PPT1: variants seen among roughly 807,000 people sequenced by gnomAD.
The protein encoded by PPT1 is ceroid-palmitoyl-palmitoyl-protein thioesterase 1.
A neutral mutation model predicts 44.0 loss-of-function variants in PPT1; 24 were observed. That is an observed-to-expected ratio of 0.54 (90% CI 0.39 to 0.77). The LOEUF (loss-of-function observed/expected upper bound fraction) is 0.77. PPT1 is among the 30% of genes least tolerant of loss of function. The pLI is 0.00. For missense variants in PPT1, 341 were observed against 378.8 expected (o/e 0.90, Z 0.83); for synonymous variants, 148 against 140.2 (o/e 1.06, Z -0.39).
At chr1:40,078,817 C>T (rs1445624978) in intron 6 of PPT1, 159 bp from the exon 7 acceptor site, 2 of 682,196 alleles carry the variant, frequency 2.9e-6, no homozygotes, top group Non-Finnish European at 5.4e-6. Flanking sequence ...TATACCTGTA[C>T]AGCTTTTTTT....
At chr1:40,092,298 G>A (rs1649609327) in intron 2 of PPT1, 100 bp downstream of exon 2, 7 of 1,526,572 alleles carry the variant, frequency 4.6e-6, no homozygotes, top group Non-Finnish European at 5.5e-6. Context: ...AAGTATCACT[G>A]TATGATCTGC....
chr1:40,084,919 T>C (rs571978296), intron 5 of PPT1, among the ~76,000 whole-genome samples: 3 of 152,308 alleles, frequency 2.0e-5, no homozygotes, highest in South Asian at 2.1e-4. Flanking sequence ...TCTGGGAAGA[T>C]GTCCGTTGCC....
intron 2 of PPT1, 87 bp downstream of exon 2, chr1:40,092,311 C>T: frequency 3.9e-6 from 6 of 1,528,220 alleles, no homozygotes; most frequent in Admixed American, 1.7e-5. Context: ...TGATCTGCTG[C>T]TGAAAACACA....
chr1:40,071,774 G>A, downstream of PPT1: 1 of 547,762 alleles, frequency 1.8e-6, no homozygotes, highest in African/African-American at 1.9e-5. Flanking sequence ...CACGCCGCCA[G>A]TCCATTCTTA....
chr1:40,078,901 T>C (rs1365938784), intron 6 of PPT1: 1 of 476,550 alleles, frequency 2.1e-6, no homozygotes, highest in Non-Finnish European at 4.0e-6. Flanking sequence ...GTTATAAGGG[T>C]ATATTGTGTG....
chr1:40,088,979 G>A (rs187747363), intron 5 of PPT1, among the ~76,000 whole-genome samples: 206 of 152,088 alleles, frequency 1.4e-3, no homozygotes, highest in Non-Finnish European at 1.7e-3. Flanking sequence ...AAATTGAGCA[G>A]ATAGTACAAA....
rs1649435543 is a variant in PPT1 at position 40,089,420 on chromosome 1, C to G, written c.526G>C (p.Val176Leu). ...GCTAACCATACATACCGTTCCTGAA[C>G]AACTTTGGAGTACGCCCCAGCATTC... ...TLNAGAYSKV[V>L]QERLVQAEYW... The change falls in exon 5 of 9, where the codon GTT (valine) becomes CTT (leucine). Residue 176 changes from valine (V) to leucine (L), a missense_variant. Transcript: ENST00000642050. The G allele has an allele frequency of 6.2e-7, 1 of 1,613,682 alleles. No individual in the cohort carries two copies. The highest frequency in any genetic ancestry group is 1.3e-5 in the African/African-American group (1 of 74,830).
At chr1:40,080,283 C>G in intron 6 of PPT1, 114 bp downstream of exon 6, 2 of 1,137,702 alleles carry the variant, frequency 1.8e-6, no homozygotes, top group Non-Finnish European at 2.7e-6. Context: ...CAGAACTTCT[C>G]TTTCCTAGTG....
At chr1:40,077,986 A>G (rs1648715684) in intron 7 of PPT1, among the ~76,000 whole-genome samples, 1 of 152,162 alleles carries the variant, frequency 6.6e-6, no homozygotes, top group African/African-American at 2.4e-5. Flanking sequence ...TGGGTCTCTG[A>G]TCTCTGGAAA....
chr1:40,085,753 C>T (rs1405166155), intron 5 of PPT1, among the ~76,000 whole-genome samples: 2 of 152,190 alleles, frequency 1.3e-5, no homozygotes, highest in East Asian at 1.9e-4. Flanking sequence ...ACTTAATAGA[C>T]TTCAGTATAG....
intron 1 of PPT1, among the ~76,000 whole-genome samples, chr1:40,096,043 C>A (rs1448057482): frequency 6.6e-6 from 1 of 152,226 alleles, no homozygotes; most frequent in Non-Finnish European, 1.5e-5. Flanking sequence ...CCCTTGAACA[C>A]ACCAGACATA....
chr1:40,089,446 A>T lies in PPT1; in HGVS notation c.500T>A (p.Leu167Gln). The T allele has an allele frequency of 6.2e-7, 1 of 1,614,136 alleles. No homozygotes were observed. Among genetic ancestry groups the T allele is most frequent in the Non-Finnish European group, 8.5e-7 (1 of 1,180,018 alleles). ...AACTTTGGAGTACGCCCCAGCATTC[A>T]GTGTTTTTCGGATGAAGTCACAGAT... ...SHICDFIRKTLNAGAYSKVVQ... is the reference protein window; with the variant it reads ...SHICDFIRKTQNAGAYSKVVQ... The change falls in exon 5 of 9, where the codon CTG becomes CAG. Residue 167 changes from leucine (L) to glutamine (Q), a missense_variant. Physicochemically the swap from Leu to Gln is moderately radical, Grantham distance 113 (BLOSUM62 -2). Transcript: ENST00000642050.
intron 1 of PPT1, among the ~76,000 whole-genome samples, chr1:40,095,319 G>C (rs554109958): frequency 6.6e-6 from 1 of 152,250 alleles, no homozygotes; most frequent in East Asian, 1.9e-4. Context: ...ATGGAATGGA[G>C]TGCCTCAGGG....
chr1:40,074,446 C>CCT (rs552038903), intron 8 of PPT1, among the ~76,000 whole-genome samples: 8 of 111,326 alleles, frequency 7.2e-5, no homozygotes, highest in East Asian at 6.2e-4. Context: ...TCTTCTTCTT[C>CCT]CTCTCTCTCT....
At chr1:40,078,499 G>T (rs535014602) in intron 7 of PPT1, 61 bp downstream of exon 7, 1 of 1,524,748 alleles carries the variant, frequency 6.6e-7, no homozygotes, top group Non-Finnish European at 9.1e-7. Flanking sequence ...ACCGTGCCCG[G>T]CCAGCAGCCC....
chr1:40,074,370 TTC>T (rs1648472426), intron 8 of PPT1, among the ~76,000 whole-genome samples, 187 bp from the exon 9 acceptor site: 1 of 152,040 alleles, frequency 6.6e-6, no homozygotes, highest in Middle Eastern at 3.4e-3. Context: ...TTCTTTTTCT[TTC>T]TTTCTCTTTC....
At position 40,097,097 on chromosome 1, in the gene PPT1, A is replaced by C. The variant is rs113394351; in HGVS notation, c.124+18T>G. ...GAGAGAGAATCGCCAAACCCTTTTAAATTTCTCACTCACTCACCCATCCCA... is the reference window on the plus strand; with the variant it reads ...GAGAGAGAATCGCCAAACCCTTTTACATTTCTCACTCACTCACCCATCCCA... On this transcript the variant is annotated intron_variant, in intron 1 of 8. Coordinates refer to ENST00000642050, the MANE Select transcript of PPT1 (RefSeq NM_000310.4). 3.0e-3 allele frequency: 4,882 copies of C among 1,613,914 alleles called. 120 individuals are homozygous for C. In the African/African-American group the frequency reaches 0.057, roughly 19 times the overall value.
At chr1:40,092,684 T>C (rs1214250494) in intron 1 of PPT1, among the ~76,000 whole-genome samples, 177 bp from the exon 2 acceptor site, 15 of 151,430 alleles carry the variant, frequency 9.9e-5, no homozygotes. Flanking sequence ...ACAAGGAATC[T>C]ATAACTCACT....
At chr1:40,095,373 G>A (rs1464071827) in intron 1 of PPT1, among the ~76,000 whole-genome samples, 1 of 152,092 alleles carries the variant, frequency 6.6e-6, no homozygotes, top group East Asian at 1.9e-4. Flanking sequence ...GTCTCACCTA[G>A]CCTTTAACTA....
Sources: allele counts gnomAD v4.1 joint callset (sites outside exome capture counted in the v4.1 genomes callset), GRCh38; gene constraint gnomAD v4.1.1; transcripts MANE v1.5; gene names NCBI Gene and HGNC (gene_info 2026-07-23, HGNC 2026-07-21).